EBF2: variants seen among roughly 807,000 people sequenced by gnomAD.
EBF2 encodes transcription factor COE2.
A neutral mutation model predicts 72.8 loss-of-function variants in EBF2; 21 were observed. That is an observed-to-expected ratio of 0.29 (90% confidence interval 0.20 to 0.42). The LOEUF is 0.42. Ranked by LOEUF, EBF2 falls within the 10% of genes least tolerant of loss-of-function variation. EBF2 has a pLI of 1.00. For missense variants in EBF2, 637 were observed against 731.2 expected (o/e 0.87, Z 1.49); for synonymous variants, 299 against 274.2 (o/e 1.09, Z -0.89).
intron 10 of EBF2, among the ~76,000 whole-genome samples, chr8:25,882,987 C>CA (rs1345542785): frequency 1.3e-5 from 2 of 152,218 alleles, no homozygotes; most frequent in Admixed American, 6.5e-5. Flanking sequence ...AGACACCAGG[C>CA]AGGATGGCCA....
intron 5 of EBF2, 76 bp from the exon 6 acceptor site, chr8:26,033,229 AT>A (rs559676643): frequency 2.3e-4 from 328 of 1,434,142 alleles, no homozygotes; most frequent in African/African-American, 1.3e-3. Flanking sequence ...TGACAAGAAC[AT>A]TTTTTCCCCC....
chr8:25,942,096 C>T (rs1286915189), intron 6 of EBF2, among the ~76,000 whole-genome samples: 1 of 152,172 alleles, frequency 6.6e-6, no homozygotes, highest in Non-Finnish European at 1.5e-5. Context: ...GGATGATGTA[C>T]TGAGTCCCTA....
intron 6 of EBF2, among the ~76,000 whole-genome samples, chr8:25,930,030 T>C (rs1465690420): frequency 6.6e-6 from 1 of 152,242 alleles, no homozygotes; most frequent in Non-Finnish European, 1.5e-5. Flanking sequence ...ATTACTTCAA[T>C]GTTCTTTGAA....
chr8:26,031,456 G>C lies in EBF2; in HGVS notation c.551+1629C>G, dbSNP rs1227684389. 3.3e-5 allele frequency: 4 copies of C among 120,162 alleles called. No individual in the cohort carries two copies. The East Asian group carries it at 7.5e-4, about 22-fold the overall frequency. The allele number at this position is 120,162 out of a possible 1,614,324, so 7.4% of individuals were successfully genotyped here. A position where few individuals can be genotyped will look rare whatever the true frequency, so the allele number is the denominator to read the frequency against. On this transcript the variant is annotated intron_variant, in intron 6 of 15. Transcript: ENST00000520164. ...TTTTTTTTTTTTTTTTTTTGAGACA[G>C]AGTCTCACTGTCTCTGTCACCCAGG... is the stretch of plus-strand genomic sequence containing the variant.
chr8:25,886,887 G>A lies in EBF2; in HGVS notation c.883-6C>T, dbSNP rs750138922. On this transcript the variant is annotated splice_region_variant and splice_polypyrimidine_tract_variant and intron_variant, in intron 9 of 15. Coordinates refer to ENST00000520164, the MANE Select transcript of EBF2 (RefSeq NM_022659.4). Reference sequence around the variant, plus strand: ...ATGGCATGAGGGGTTATTAGCTGAGGAATGAACAGGCAGGGAAATAAAATA... The same window carrying A: ...ATGGCATGAGGGGTTATTAGCTGAGAAATGAACAGGCAGGGAAATAAAATA... The A allele has an allele frequency of 7.4e-6, 12 of 1,610,824 alleles. No individual in the cohort carries two copies. The highest frequency in any genetic ancestry group is 1.0e-5 in the Non-Finnish European group (12 of 1,178,480).
rs1006016681 is a variant in EBF2, at chr8:25,873,911, C to A, written c.1010-11114G>T. 6.2e-4 allele frequency among the ~76,000 whole-genome samples: 94 copies of A among 152,262 alleles called. 2 individuals are homozygous for A. The highest frequency in any genetic ancestry group is 1.9e-4 in the Non-Finnish European group (13 of 68,018). On this transcript the variant is annotated intron_variant, in intron 10 of 15. Coordinates refer to ENST00000520164, the MANE Select transcript of EBF2 (RefSeq NM_022659.4). ...TGGGATGTCTCTAGTGAAACAGCAG[C>A]CCCCTATTCTGGGGCTAACAACGGA...
chr8:26,039,041 T>G (rs1003752582), intron 5 of EBF2, among the ~76,000 whole-genome samples: 4 of 152,130 alleles, frequency 2.6e-5, no homozygotes, highest in African/African-American at 9.7e-5. Context: ...AAGAAAAGCA[T>G]GTATGGAGCA....
intron 6 of EBF2, among the ~76,000 whole-genome samples, chr8:25,998,093 T>C (rs1804666107): frequency 6.6e-6 from 1 of 152,216 alleles, no homozygotes; most frequent in Non-Finnish European, 1.5e-5. Context: ...TGAATAACAT[T>C]AATGAAATTG....
chr8:25,976,369 A>G (rs1804267706), intron 6 of EBF2, among the ~76,000 whole-genome samples: 1 of 152,198 alleles, frequency 6.6e-6, no homozygotes, highest in Non-Finnish European at 1.5e-5. Flanking sequence ...TAAGCTTTCT[A>G]ACTTCCATAA....
chr8:25,887,545 C>G (rs929038815), intron 9 of EBF2, among the ~76,000 whole-genome samples: 15 of 151,948 alleles, frequency 9.9e-5, no homozygotes, highest in Non-Finnish European at 2.9e-5. Flanking sequence ...GCAGTGTTGT[C>G]CTTGTTTTTT....
At chr8:26,040,513 G>T in intron 4 of EBF2, 103 bp downstream of exon 4, 1 of 1,128,574 alleles carries the variant, frequency 8.9e-7, no homozygotes, top group Non-Finnish European at 1.3e-6. Context: ...TGTGGAGTCT[G>T]ACCCAGGAAA....
intron 10 of EBF2, among the ~76,000 whole-genome samples, chr8:25,864,969 T>A (rs1357707017): frequency 6.6e-6 from 1 of 152,010 alleles, no homozygotes; most frequent in Non-Finnish European, 1.5e-5. Flanking sequence ...GGCTAAATTT[T>A]TTTTTGCATT....
At chr8:25,935,066 A>G (rs1375260853) in intron 6 of EBF2, among the ~76,000 whole-genome samples, 1 of 152,148 alleles carries the variant, frequency 6.6e-6, no homozygotes, top group African/African-American at 2.4e-5. Context: ...CGCGACAACT[A>G]GACTCAATTG....
At chr8:25,975,100 A>G (rs905127527) in intron 6 of EBF2, among the ~76,000 whole-genome samples, 1 of 152,150 alleles carries the variant, frequency 6.6e-6, no homozygotes, top group Non-Finnish European at 1.5e-5. Flanking sequence ...CTAAAACACC[A>G]TACACCCAAG....
chr8:26,027,096 GGTCACCTTGCAGACATAC>G (rs1563212874), intron 6 of EBF2, among the ~76,000 whole-genome samples: 2 of 152,126 alleles, frequency 1.3e-5, no homozygotes, highest in African/African-American at 4.8e-5. Flanking sequence ...GGGAGGTAAT[GGTCACCTTGCAGACATAC>G]GTCACCTTGT....
intron 6 of EBF2, among the ~76,000 whole-genome samples, chr8:26,003,405 C>T (rs908594022): frequency 1.3e-5 from 2 of 152,038 alleles, no homozygotes; most frequent in African/African-American, 4.8e-5. Flanking sequence ...CTTGTTACTC[C>T]CAACCCTCTC....
chr8:25,882,853 T>C (rs1802626398), intron 10 of EBF2, among the ~76,000 whole-genome samples: 2 of 152,232 alleles, frequency 1.3e-5, no homozygotes, highest in South Asian at 4.1e-4. Flanking sequence ...AGCCTGAGCA[T>C]AGAGCTCAAT....
chr8:25,844,725 G>A, intron 15 of EBF2, 85 bp from the exon 16 acceptor site: 1 of 1,513,804 alleles, frequency 6.6e-7, no homozygotes. Flanking sequence ...CAGGGGATGG[G>A]AATGATAGAG....
At position 25,843,508 on chromosome 8, in the gene EBF2, T is replaced by A. The variant is rs1801772736; in HGVS notation, c.*1101A>T. On this transcript the variant is annotated 3_prime_UTR_variant, in exon 16 of 16. Transcript: ENST00000520164. The stretch of plus-strand genomic sequence containing the variant: ...TGGTGGGGTTCTGGTGAGGAGGAAT[T>A]CCCAAGGGGTCCCTTGGTTAAGAAA... The A allele has an allele frequency of 6.6e-6, 1 of 152,234 alleles. No individual in the cohort carries two copies. Among genetic ancestry groups the A allele is most frequent in the East Asian group, 1.9e-4 (1 of 5,184 alleles). The allele number at this position is 152,234 out of a possible 1,614,324, so 9.4% of individuals were successfully genotyped here.
Sources: allele counts gnomAD v4.1 joint callset (sites outside exome capture counted in the v4.1 genomes callset), GRCh38; gene constraint gnomAD v4.1.1; transcripts MANE v1.5; gene names NCBI Gene and HGNC (gene_info 2026-07-23, HGNC 2026-07-21).